KCNJ6: variants seen among roughly 807,000 people sequenced by gnomAD.
The protein encoded by KCNJ6 is G protein-activated inward rectifier potassium channel 2.
KCNJ6 carries 9 observed loss-of-function variants against 34.2 expected under a neutral mutation model. That is an observed-to-expected ratio of 0.26 (90% CI 0.16 to 0.46). The LOEUF (loss-of-function observed/expected upper bound fraction) is 0.46. KCNJ6 is among the 20% of genes least tolerant of loss of function. KCNJ6 has a pLI of 1.00. For missense variants in KCNJ6, 236 were observed against 531.3 expected (o/e 0.44, Z 5.46); for synonymous variants, 196 against 207.1 (o/e 0.95, Z 0.46).
At chr21:37,874,098 G>T (rs553506478) in intron 1 of KCNJ6, among the ~76,000 whole-genome samples, 1 of 152,102 alleles carries the variant, frequency 6.6e-6, no homozygotes, top group African/African-American at 2.4e-5. Flanking sequence ...CCTAATCAGG[G>T]GTTCACCCTC....
Position 37,714,517 on chromosome 21 carries a change from G to A in KCNJ6, c.640C>T (p.Arg214Trp). The A allele has an allele frequency of 1.2e-6, 2 of 1,614,108 alleles. No individual in the cohort carries two copies. The highest frequency in any genetic ancestry group is 8.5e-7 in the Non-Finnish European group (1 of 1,180,018). Residue 214 changes from arginine to tryptophan, a missense_variant, in exon 3 of 4, where the codon CGG becomes TGG. Transcript: ENST00000609713. The surrounding 1 kb of genome is among the most constrained non-coding windows in gnomAD (Gnocchi z 5.9). The part of the protein sequence containing the change: ...VFSTHAVISM[R>W]DGKLCLMFRV... ...AACATCAGGCACAGTTTCCCATCCC[G>A]CATGGAGATCACTGCATGGGTGGAA...
intron 3 of KCNJ6, among the ~76,000 whole-genome samples, chr21:37,653,334 G>A (rs1050707771): frequency 6.6e-6 from 1 of 152,178 alleles, no homozygotes; most frequent in African/African-American, 2.4e-5. Flanking sequence ...CAAGCCTGCA[G>A]GATGGAGACT....
intron 1 of KCNJ6, among the ~76,000 whole-genome samples, chr21:37,899,686 G>A (rs562186963): frequency 6.6e-6 from 1 of 152,280 alleles, no homozygotes; most frequent in South Asian, 2.1e-4. Flanking sequence ...TGCAGGGCCA[G>A]AGTCTCCTGA....
chr21:37,696,796 TA>T lies in KCNJ6; in HGVS notation c.946+17414del, dbSNP rs775980910. Among the ~76,000 whole-genome samples the T allele has an allele frequency of 3.3e-5, 5 of 152,302 alleles. No individual in the cohort carries two copies. The East Asian group carries it at 5.8e-4, about 18-fold the overall frequency. ...TGCCTACAGTTTACTTTCAAATGAT[TA>T]AAAAAACTCACATGTATACATGCAT... On this transcript the variant is annotated intron_variant, in intron 3 of 3. Coordinates refer to ENST00000609713, the MANE Select transcript of KCNJ6 (RefSeq NM_002240.5).
At chr21:37,782,087 G>C (rs1213747643) in intron 2 of KCNJ6, among the ~76,000 whole-genome samples, 1 of 152,188 alleles carries the variant, frequency 6.6e-6, no homozygotes, top group African/African-American at 2.4e-5. Flanking sequence ...AGCATGGCAG[G>C]AGAGTTAGTG....
intron 1 of KCNJ6, among the ~76,000 whole-genome samples, chr21:37,889,490 C>T (rs889920573): frequency 6.6e-6 from 1 of 152,126 alleles, no homozygotes; most frequent in Non-Finnish European, 1.5e-5. Flanking sequence ...ACCATTTTGC[C>T]CAGGGCCGGC....
At chr21:37,689,481 G>A (rs1013095265) in intron 3 of KCNJ6, among the ~76,000 whole-genome samples, 1 of 152,056 alleles carries the variant, frequency 6.6e-6, no homozygotes, top group African/African-American at 2.4e-5. Flanking sequence ...TGTTATCAGA[G>A]CCTCCCAATA....
At chr21:37,859,316 T>C (rs1307000433) in intron 1 of KCNJ6, among the ~76,000 whole-genome samples, 1 of 151,168 alleles carries the variant, frequency 6.6e-6, no homozygotes, top group Non-Finnish European at 1.5e-5. Context: ...TTTTATAAGA[T>C]GTATAACTAA....
At chr21:37,815,895 A>G (rs1471449309) in intron 2 of KCNJ6, among the ~76,000 whole-genome samples, 1 of 152,206 alleles carries the variant, frequency 6.6e-6, no homozygotes, top group African/African-American at 2.4e-5. Context: ...CCTGCGCATG[A>G]CACGGCAGGC....
intron 2 of KCNJ6, among the ~76,000 whole-genome samples, chr21:37,795,492 C>T (rs2055236814): frequency 6.6e-6 from 1 of 152,084 alleles, no homozygotes; most frequent in Admixed American, 6.5e-5. Context: ...TGGCTGCAAT[C>T]CTAACACTTT....
chr21:37,699,915 G>C (rs1465454857), intron 3 of KCNJ6, among the ~76,000 whole-genome samples: 2 of 152,202 alleles, frequency 1.3e-5, no homozygotes, highest in South Asian at 4.1e-4. Flanking sequence ...AGCCTTCATA[G>C]GGAAGCCAGA....
intron 3 of KCNJ6, among the ~76,000 whole-genome samples, chr21:37,708,579 T>G (rs1200958085): frequency 6.9e-6 from 1 of 144,406 alleles, no homozygotes; most frequent in Non-Finnish European, 1.5e-5. Context: ...ATTCCATATG[T>G]CTTTAAATTG....
At chr21:37,860,731 T>C (rs1410339026) in intron 1 of KCNJ6, among the ~76,000 whole-genome samples, 2 of 152,154 alleles carry the variant, frequency 1.3e-5, no homozygotes, top group Non-Finnish European at 2.9e-5. Context: ...TGGCTCTCTA[T>C]GTCATATCAT....
intron 1 of KCNJ6, among the ~76,000 whole-genome samples, chr21:37,860,546 A>G (rs960366124): frequency 1.3e-5 from 2 of 152,184 alleles, no homozygotes; most frequent in African/African-American, 4.8e-5. Flanking sequence ...CACTTGTGAT[A>G]AGATCTAAGC....
intron 3 of KCNJ6, among the ~76,000 whole-genome samples, chr21:37,666,506 A>G (rs953450182): frequency 4.6e-5 from 7 of 152,194 alleles, no homozygotes; most frequent in African/African-American, 1.7e-4. Context: ...CAATGCTAGT[A>G]CATCGTTCAT....
At chr21:37,629,694 A>G (rs2054325505) in intron 3 of KCNJ6, among the ~76,000 whole-genome samples, 1 of 152,180 alleles carries the variant, frequency 6.6e-6, no homozygotes, top group African/African-American at 2.4e-5. Context: ...CAGCCTTGTG[A>G]GAAAATAAAT....
chr21:37,842,562 G>T (rs1028791866), intron 1 of KCNJ6, among the ~76,000 whole-genome samples: 8 of 152,172 alleles, frequency 5.3e-5, no homozygotes, highest in African/African-American at 9.7e-5. Context: ...AGAACAGAAG[G>T]AGCTAAGGAG....
At chr21:37,885,672 A>C (rs936370911) in intron 1 of KCNJ6, among the ~76,000 whole-genome samples, 3 of 152,196 alleles carry the variant, frequency 2.0e-5, no homozygotes, top group African/African-American at 7.2e-5. Flanking sequence ...AAGAATGGGA[A>C]TCTCAGTCCT....
chr21:37,912,600 T>C (rs1301176784), intron 1 of KCNJ6, among the ~76,000 whole-genome samples: 1 of 152,224 alleles, frequency 6.6e-6, no homozygotes, highest in African/African-American at 2.4e-5. Context: ...TGTTTAATAC[T>C]CCACGTGTCA....
Sources: gnomAD v4.1 joint callset for allele counts (sites outside exome capture counted in the v4.1 genomes callset) on GRCh38, gnomAD v4.1.1 for gene constraint, Gnocchi (gnomAD v3.1) non-coding constraint, MANE v1.5 for transcripts, NCBI Gene and HGNC (gene_info 2026-07-23, HGNC 2026-07-21) for gene names.